Variants in ANOS1 observed in about 807,000 individuals in gnomAD.
The protein encoded by ANOS1 is anosmin-1.
Under a neutral mutation model 59.0 loss-of-function variants are expected in ANOS1, and 6 were observed. That is an observed-to-expected ratio of 0.10 (90% CI 0.06 to 0.20). ANOS1 has a LOEUF of 0.20. Ranked by LOEUF, ANOS1 falls within the 10% of genes least tolerant of loss-of-function variation. The pLI is 1.00. For synonymous variants in ANOS1, 217 were observed against 223.4 expected (o/e 0.97, Z 0.25); for missense variants, 433 against 542.3 (o/e 0.80, Z 2.00).
chrX:8,555,367 A>G (rs1193192835), intron 8 of ANOS1, among the ~76,000 whole-genome samples: 1 of 111,116 alleles, frequency 9.0e-6, no homozygotes, highest in Non-Finnish European at 1.9e-5. Flanking sequence ...GAAGACAAGA[A>G]ATAACTAAGA....
At chrX:8,554,542 G>GTTTTGTT (rs1929911767) in intron 8 of ANOS1, among the ~76,000 whole-genome samples, 12 of 50,833 alleles carry the variant, frequency 2.4e-4, no homozygotes, top group African/African-American at 9.1e-4. Flanking sequence ...GGCTACAGGA[G>GTTTTGTT]TTTTTTTTTT....
intron 9 of ANOS1, among the ~76,000 whole-genome samples, chrX:8,542,991 T>G (rs1352304868): frequency 9.0e-6 from 1 of 110,975 alleles, no homozygotes; most frequent in Non-Finnish European, 1.9e-5. Flanking sequence ...CCCAATGTTT[T>G]GTTTGATTCT....
chrX:8,597,375 C>A, intron 3 of ANOS1, 119 bp from the exon 4 acceptor site: 4 of 600,252 alleles, frequency 6.7e-6, no homozygotes, highest in Non-Finnish European at 1.1e-5. Flanking sequence ...GAATATTTGA[C>A]AAAATGCATG....
At chrX:8,712,800 G>C (rs145519796) in intron 1 of ANOS1, among the ~76,000 whole-genome samples, 2,644 of 112,330 alleles carry the variant, frequency 0.024, 89 homozygotes, top group African/African-American at 0.081. Flanking sequence ...GGTGAAAATT[G>C]ATTGCTTGAA....
In ANOS1 at chrX:8,535,449, AG is replaced by A. The variant is rs199567772; in HGVS notation, c.1842+141del. The A allele has an allele frequency of 0.018, 8,956 of 502,712 alleles. 540 individuals carry two copies. The African/African-American group carries it at 0.18, about 10-fold the overall frequency. The allele number at this position is 502,712 out of a possible 1,213,427, so 41.4% of individuals were successfully genotyped here. On this transcript the variant is annotated intron_variant, in intron 12 of 13. Coordinates refer to ENST00000262648, the MANE Select transcript of ANOS1 (RefSeq NM_000216.4). ...TTTGTGATGTGTTAATGCTTGCAAAAGATACACTCAGAAGAAGAAAATGCAA... is the reference window on the plus strand; with the variant it reads ...TTTGTGATGTGTTAATGCTTGCAAAAATACACTCAGAAGAAGAAAATGCAA...
chrX:8,659,461 C>T lies in ANOS1; in HGVS notation c.256-35791G>A, dbSNP rs747787862. 7.3e-4 allele frequency among the ~76,000 whole-genome samples: 78 copies of T among 106,694 alleles called. No homozygotes were observed. The Middle Eastern group carries it at 0.014, about 20-fold the overall frequency. 92.7% of individuals were successfully genotyped at this position (106,694 alleles called of 115,157 possible). ...TTCTTCCTTCCTTTCCTCCCTCCCT[C>T]CCTCCTTCCTTGCTTGCTCTCTTCC... On this transcript the variant is annotated intron_variant, in intron 2 of 13. Transcript: ENST00000262648.
At chrX:8,599,573 TG>T (rs1318651458) in intron 3 of ANOS1, among the ~76,000 whole-genome samples, 1 of 111,885 alleles carries the variant, frequency 8.9e-6, no homozygotes, top group Non-Finnish European at 1.9e-5. Flanking sequence ...TCCCTACCAT[TG>T]CCTGGTAATG....
intron 2 of ANOS1, among the ~76,000 whole-genome samples, chrX:8,668,986 C>CG (rs2146879166): frequency 8.9e-6 from 1 of 112,194 alleles, no homozygotes; most frequent in East Asian, 2.8e-4. Flanking sequence ...CCTTGCTTAT[C>CG]TGCAGCTGCT....
At chrX:8,572,477 T>C (rs989412686) in intron 6 of ANOS1, among the ~76,000 whole-genome samples, 16 of 112,223 alleles carry the variant, frequency 1.4e-4, no homozygotes, top group African/African-American at 5.2e-4. Flanking sequence ...TTCCTTTTCA[T>C]GGCTGCATAG....
chrX:8,725,557 TATATACAGATATAC>T (rs1569092059), intron 1 of ANOS1, among the ~76,000 whole-genome samples: 4 of 84,482 alleles, frequency 4.7e-5, no homozygotes. Context: ...TACAGATATA[TATATACAGATATAC>T]ATATATACAG....
At chrX:8,617,786 G>GA (rs200569967) in intron 3 of ANOS1, among the ~76,000 whole-genome samples, 104 of 106,096 alleles carry the variant, frequency 9.8e-4, no homozygotes, top group African/African-American at 2.9e-3. Context: ...GTCTCAAAAA[G>GA]AAAAAAAAAA....
intron 2 of ANOS1, among the ~76,000 whole-genome samples, chrX:8,669,401 G>A (rs1463141318): frequency 1.8e-5 from 2 of 111,095 alleles, no homozygotes; most frequent in Admixed American, 1.9e-4. Context: ...GTAATGTATC[G>A]ATAGTAATCC....
chrX:8,533,892 T>C lies in ANOS1; in HGVS notation c.1984+427A>G, dbSNP rs1039180472. Among the ~76,000 whole-genome samples the C allele has an allele frequency of 4.6e-5, 5 of 109,729 alleles. No homozygotes were observed. In the South Asian group the frequency reaches 1.2e-3, roughly 26 times the overall value. Reference sequence around the variant, plus strand: ...TGAGACTACAGATTTTTTTCCCATATGTATTTATGGTTTAAAAGACAAGGA... The same window carrying C: ...TGAGACTACAGATTTTTTTCCCATACGTATTTATGGTTTAAAAGACAAGGA... On this transcript the variant is annotated intron_variant, in intron 13 of 13. Coordinates refer to ENST00000262648, the MANE Select transcript of ANOS1 (RefSeq NM_000216.4).
Position 8,622,044 on chromosome X carries a change from T to A in ANOS1, c.318+1564A>T, listed in dbSNP as rs111923868. Among the ~76,000 whole-genome samples the A allele has an allele frequency of 3.2e-3, 363 of 111,953 alleles. 1 individual carries two copies. The highest frequency in any genetic ancestry group is 0.011 in the African/African-American group (341 of 30,847). On this transcript the variant is annotated intron_variant, in intron 3 of 13. Coordinates refer to ENST00000262648, the MANE Select transcript of ANOS1 (RefSeq NM_000216.4). ...CTTGCAGCAAATCACCAGTTTTGTT[T>A]ATTTCTGCTATGTTTTTTCTACATC...
chrX:8,671,752 C>A (rs754725591), intron 2 of ANOS1, among the ~76,000 whole-genome samples: 246 of 109,134 alleles, frequency 2.3e-3, no homozygotes, highest in African/African-American at 8.0e-3. Context: ...ATTCCAACGA[C>A]AGGAATTAAT....
Position 8,611,902 on chromosome X carries a change from T to C in ANOS1, c.318+11706A>G, listed in dbSNP as rs1273269201. Among the ~76,000 whole-genome samples the C allele has an allele frequency of 3.6e-5, 4 of 111,559 alleles. No individual in the cohort carries two copies. The East Asian group carries it at 8.4e-4, about 23-fold the overall frequency. On this transcript the variant is annotated intron_variant, in intron 3 of 13. Coordinates refer to ENST00000262648, the MANE Select transcript of ANOS1 (RefSeq NM_000216.4). ...AAAGAATGAAGAATTCTAGAAATAA[T>C]AAATACATGATTATATTTAAAAGAT...
At chrX:8,699,945 T>G (rs185486754) in intron 1 of ANOS1, among the ~76,000 whole-genome samples, 200 bp from the exon 2 acceptor site, 4 of 112,313 alleles carry the variant, frequency 3.6e-5, no homozygotes, top group African/African-American at 1.3e-4. Flanking sequence ...GATTTCATGA[T>G]GTAAACAAAG....
intron 8 of ANOS1, among the ~76,000 whole-genome samples, chrX:8,567,614 T>A (rs1238725925): frequency 9.0e-6 from 1 of 111,271 alleles, no homozygotes; most frequent in Non-Finnish European, 1.9e-5. Flanking sequence ...GCCAACATGG[T>A]GAAACCCTGT....
rs138458312 is a variant in ANOS1 at position 8,557,982 on chromosome X, C to T, written c.1208-3884G>A. On this transcript the variant is annotated intron_variant, in intron 8 of 13. Coordinates refer to ENST00000262648, the MANE Select transcript of ANOS1 (RefSeq NM_000216.4). ...AATGTGGCATACACACCATGGAATA[C>T]TATGTAGCCATATAAAGGAATGAGT... is the stretch of plus-strand genomic sequence containing the variant. Among the ~76,000 whole-genome samples the T allele has an allele frequency of 3.7e-3, 418 of 111,966 alleles. 3 individuals carry two copies. Among genetic ancestry groups the T allele is most frequent in the African/African-American group, 0.013 (404 of 30,836 alleles).
Sources: gnomAD v4.1 joint callset for allele counts (sites outside exome capture counted in the v4.1 genomes callset) on GRCh38, gnomAD v4.1.1 for gene constraint, MANE v1.5 for transcripts, NCBI Gene and HGNC (gene_info 2026-07-23, HGNC 2026-07-21) for gene names.